Variants in KIFAP3 observed in about 807,000 individuals in gnomAD.
The protein encoded by KIFAP3 is kinesin associated protein 3.
Under a neutral mutation model 106.5 loss-of-function variants are expected in KIFAP3, and 68 were observed. The observed-to-expected ratio is 0.64, with a 90% CI of 0.53 to 0.78. The LOEUF is 0.78. Among genes scored for constraint, KIFAP3 ranks in the 30% least tolerant of loss-of-function variants. The pLI is 0.00. For missense variants in KIFAP3, 780 were observed against 941.8 expected (o/e 0.83, Z 2.25); for synonymous variants, 320 against 311.5 (o/e 1.03, Z -0.29).
intron 9 of KIFAP3, among the ~76,000 whole-genome samples, chr1:170,021,498 G>C (rs111375531): frequency 1.6e-4 from 23 of 141,552 alleles, no homozygotes; most frequent in Admixed American, 3.6e-4. Context: ...GGAGTGCAGT[G>C]ACATGATCTC....
intron 11 of KIFAP3, among the ~76,000 whole-genome samples, chr1:169,991,909 A>G (rs1300332040): frequency 6.6e-6 from 1 of 152,054 alleles, no homozygotes; most frequent in East Asian, 1.9e-4. Flanking sequence ...TAATCTCAAT[A>G]TATTATTTTT....
At chr1:170,014,526 T>C (rs78139293) in intron 10 of KIFAP3, among the ~76,000 whole-genome samples, 9,595 of 152,278 alleles carry the variant, frequency 0.063, 384 homozygotes, top group Non-Finnish European at 0.095. Context: ...CCATTTCAAA[T>C]GAAATCTTAT....
intron 19 of KIFAP3, among the ~76,000 whole-genome samples, chr1:169,953,593 T>C (rs922436825): frequency 1.3e-5 from 2 of 152,060 alleles, no homozygotes; most frequent in Non-Finnish European, 2.9e-5. Flanking sequence ...CGGCTCACTG[T>C]AAGCTCCGCC....
intron 1 of KIFAP3, among the ~76,000 whole-genome samples, chr1:170,060,556 G>A (rs1671091623): frequency 6.6e-6 from 1 of 152,150 alleles, no homozygotes; most frequent in South Asian, 2.1e-4. Context: ...TGGATAGGAA[G>A]AATCAATATC....
At chr1:169,953,879 A>G (rs906970365) in intron 19 of KIFAP3, 132 bp downstream of exon 19, 6 of 695,964 alleles carry the variant, frequency 8.6e-6, no homozygotes, top group East Asian at 5.1e-5. Flanking sequence ...TCAAACAAAC[A>G]TGCCCTTGAA....
chr1:170,081,297 T>C (rs910990597), intron 1 of KIFAP3, among the ~76,000 whole-genome samples: 1 of 152,208 alleles, frequency 6.6e-6, no homozygotes, highest in African/African-American at 2.4e-5. Context: ...GTGACTCAAC[T>C]TTATTAGTTA....
At chr1:170,026,241 T>C (rs1288699583) in intron 8 of KIFAP3, among the ~76,000 whole-genome samples, 2 of 152,164 alleles carry the variant, frequency 1.3e-5, no homozygotes, top group Non-Finnish European at 2.9e-5. Flanking sequence ...TCCAGAGCTA[T>C]GACAGAATAA....
chr1:169,990,553 TG>T (rs1224467202), intron 11 of KIFAP3, among the ~76,000 whole-genome samples: 1 of 152,148 alleles, frequency 6.6e-6, no homozygotes, highest in Non-Finnish European at 1.5e-5. Flanking sequence ...TAAAAAATAA[TG>T]TAATATTAAA....
chr1:170,054,402 G>A (rs748722248), intron 2 of KIFAP3, among the ~76,000 whole-genome samples: 6 of 152,094 alleles, frequency 3.9e-5, no homozygotes, highest in African/African-American at 1.2e-4. Flanking sequence ...ACGGTGTGGC[G>A]ATTCCTCAAG....
intron 16 of KIFAP3, among the ~76,000 whole-genome samples, 186 bp from the exon 17 acceptor site, chr1:169,972,784 T>C (rs561917464): frequency 6.6e-4 from 100 of 151,698 alleles, no homozygotes; most frequent in African/African-American, 2.3e-3. Flanking sequence ...AAAACAGGGA[T>C]AGTAGGGACA....
intron 17 of KIFAP3, among the ~76,000 whole-genome samples, chr1:169,963,369 T>C (rs1397599437): frequency 1.3e-5 from 2 of 152,216 alleles, no homozygotes; most frequent in Non-Finnish European, 2.9e-5. Context: ...GGCATTTAGG[T>C]TGATTACACG....
At chr1:170,037,138 C>T (rs921712873) in intron 5 of KIFAP3, among the ~76,000 whole-genome samples, 3 of 151,888 alleles carry the variant, frequency 2.0e-5, no homozygotes, top group South Asian at 2.1e-4. Flanking sequence ...ACCAATGGAA[C>T]AGAAGGAAAG....
At chr1:170,023,875 A>G (rs1668979378) in intron 9 of KIFAP3, among the ~76,000 whole-genome samples, 1 of 152,114 alleles carries the variant, frequency 6.6e-6, no homozygotes, top group Non-Finnish European at 1.5e-5. Context: ...GAAGGTATGA[A>G]TAAAGAGGGT....
At chr1:170,066,731 A>G (rs1281072412) in intron 1 of KIFAP3, among the ~76,000 whole-genome samples, 1 of 152,190 alleles carries the variant, frequency 6.6e-6, no homozygotes, top group African/African-American at 2.4e-5. Context: ...GTAAAGCTCC[A>G]AGCTTTAAGC....
chr1:169,959,572 T>TGAA (rs1665206305), intron 18 of KIFAP3, among the ~76,000 whole-genome samples: 1 of 152,156 alleles, frequency 6.6e-6, no homozygotes, highest in Non-Finnish European at 1.5e-5. Context: ...TTTAAGAGGT[T>TGAA]AATTTAAATT....
intron 1 of KIFAP3, among the ~76,000 whole-genome samples, chr1:170,062,024 GA>G (rs1294155123): frequency 6.6e-6 from 1 of 152,072 alleles, no homozygotes; most frequent in Non-Finnish European, 1.5e-5. Context: ...GTGGTGGGGA[GA>G]GGGGGGAGGG....
chr1:170,053,352 A>G (rs2102114009), intron 2 of KIFAP3, among the ~76,000 whole-genome samples: 1 of 152,332 alleles, frequency 6.6e-6, no homozygotes, highest in South Asian at 2.1e-4. Flanking sequence ...AGAGGACACA[A>G]ACAAATGGAA....
At chr1:169,946,192 C>G (rs1225989046) in intron 19 of KIFAP3, among the ~76,000 whole-genome samples, 1 of 152,110 alleles carries the variant, frequency 6.6e-6, no homozygotes, top group Non-Finnish European at 1.5e-5. Context: ...CTGAGAATAT[C>G]CCACTTATTT....
intron 5 of KIFAP3, among the ~76,000 whole-genome samples, chr1:170,036,288 C>A (rs977040621): frequency 6.6e-6 from 1 of 151,980 alleles, no homozygotes; most frequent in African/African-American, 2.4e-5. Flanking sequence ...TTCCACTGTT[C>A]TTAATAGATA....
Sources: allele counts gnomAD v4.1 joint callset (sites outside exome capture counted in the v4.1 genomes callset), GRCh38; gene constraint gnomAD v4.1.1; transcripts MANE v1.5; gene names NCBI Gene and HGNC (gene_info 2026-07-23, HGNC 2026-07-21).